The following GABRB3 variants were observed in gnomAD, a reference collection of about 807,000 sequenced individuals.
GABRB3 encodes the protein gamma-aminobutyric acid type A receptor subunit beta3, also known as gamma-aminobutyric acid receptor subunit beta-3.
Under a neutral mutation model 52.1 loss-of-function variants are expected in GABRB3, and 14 were observed. That is an observed-to-expected ratio of 0.27 (90% confidence interval 0.18 to 0.42). The LOEUF (loss-of-function observed/expected upper bound fraction) is 0.42. GABRB3 is among the 10% of genes least tolerant of loss of function. The pLI is 1.00. For missense variants in GABRB3, 307 were observed against 609.1 expected, an observed-to-expected ratio of 0.50 and a Z score of 5.22; for synonymous variants, 260 against 232.3, an observed-to-expected ratio of 1.12 and a Z score of -1.08.
At chr15:26,574,729 G>C (rs1890530490) in intron 6 of GABRB3, among the ~76,000 whole-genome samples, 1 of 150,262 alleles carries the variant, frequency 6.7e-6, no homozygotes, top group African/African-American at 2.4e-5. Flanking sequence ...TGGTTGTCTA[G>C]GGTTGGGAGA....
chr15:26,643,043 A>G (rs1893249235), intron 3 of GABRB3, among the ~76,000 whole-genome samples: 1 of 152,092 alleles, frequency 6.6e-6, no homozygotes, highest in African/African-American at 2.4e-5. Flanking sequence ...AAGAACCCTC[A>G]GCTGACACCT....
intron 3 of GABRB3, among the ~76,000 whole-genome samples, chr15:26,700,014 AAG>A (rs1455358349): frequency 3.9e-5 from 6 of 152,076 alleles, no homozygotes; most frequent in Non-Finnish European, 1.5e-5. Context: ...AGAAGTCAAT[AAG>A]AGAGAAAACA....
intron 4 of GABRB3, among the ~76,000 whole-genome samples, chr15:26,599,899 T>C (rs989671250): frequency 6.6e-5 from 10 of 151,920 alleles, no homozygotes; most frequent in Non-Finnish European, 1.2e-4. Flanking sequence ...CCTCAAGAAA[T>C]GGAGATTATA....
intron 3 of GABRB3, chr15:26,767,087 T>C (rs1259816764): frequency 6.6e-6 from 1 of 152,236 alleles, no homozygotes; most frequent in East Asian, 1.9e-4. Context: ...CATTGATGTA[T>C]GATCATAACT....
At chr15:26,664,948 C>A (rs1304281611) in intron 3 of GABRB3, among the ~76,000 whole-genome samples, 1 of 151,990 alleles carries the variant, frequency 6.6e-6, no homozygotes, top group Non-Finnish European at 1.5e-5. Flanking sequence ...GATCCACCCA[C>A]CTTGGCCTCC....
At chr15:26,652,228 C>A (rs1057231649) in intron 3 of GABRB3, among the ~76,000 whole-genome samples, 5 of 152,244 alleles carry the variant, frequency 3.3e-5, no homozygotes, top group Admixed American at 3.3e-4. Flanking sequence ...AGCCCCATGG[C>A]TTCAAGATGT....
rs1006587231 is a variant in GABRB3, at chr15:26,580,211, C to T, written c.682+108G>A. On this transcript the variant is annotated intron_variant, in intron 6 of 8. Coordinates refer to ENST00000311550, the MANE Select transcript of GABRB3 (RefSeq NM_000814.6). ...GTGATGTGTGAATGATAACAGCACT[C>T]CTTCCGATGATCCTGTGCTGTGAGT... is the stretch of plus-strand genomic sequence containing the variant. 8.4e-6 allele frequency: 11 copies of T among 1,315,506 alleles called. No homozygotes were observed. In the African/African-American group the frequency reaches 1.6e-4, roughly 19 times the overall value. The allele number at this position is 1,315,506 out of a possible 1,614,324, so 81.5% of individuals were successfully genotyped here.
intron 8 of GABRB3, among the ~76,000 whole-genome samples, chr15:26,554,176 G>GAATATATATATA (rs71420007): frequency 3.7e-5 from 1 of 27,334 alleles, no homozygotes; most frequent in African/African-American, 1.1e-4. Context: ...TATATATAAA[G>GAATATATATATA]TATATATATA....
At chr15:26,736,041 G>A (rs1021595038) in intron 3 of GABRB3, among the ~76,000 whole-genome samples, 57 of 151,932 alleles carry the variant, frequency 3.8e-4, no homozygotes, top group African/African-American at 1.4e-3. Flanking sequence ...AAATCACAGA[G>A]ACAGAAAGTA....
chr15:26,700,978 C>G (rs943173597), intron 3 of GABRB3, among the ~76,000 whole-genome samples: 1 of 152,066 alleles, frequency 6.6e-6, no homozygotes, highest in Non-Finnish European at 1.5e-5. Flanking sequence ...TGGCGTGAAC[C>G]TGGGAGGCGG....
At chr15:26,630,589 A>C (rs576186549) in intron 3 of GABRB3, among the ~76,000 whole-genome samples, 1 of 152,370 alleles carries the variant, frequency 6.6e-6, no homozygotes, top group African/African-American at 2.4e-5. Flanking sequence ...CATTCAAAAC[A>C]AAGGGTCTTT....
chr15:26,670,349 C>A (rs1566798789), intron 3 of GABRB3, among the ~76,000 whole-genome samples: 1 of 152,168 alleles, frequency 6.6e-6, no homozygotes, highest in Admixed American at 6.5e-5. Context: ...CTGGACAGAC[C>A]CGGTCCAGGC....
At chr15:26,584,277 C>G (rs1890898781) in intron 4 of GABRB3, among the ~76,000 whole-genome samples, 1 of 152,162 alleles carries the variant, frequency 6.6e-6, no homozygotes, top group South Asian at 2.1e-4. Flanking sequence ...TGTTTCTCTT[C>G]TTGTCTATAG....
intron 4 of GABRB3, among the ~76,000 whole-genome samples, chr15:26,608,125 C>T (rs1016510306): frequency 6.9e-6 from 1 of 145,744 alleles, no homozygotes; most frequent in Admixed American, 6.8e-5. Flanking sequence ...AAAGGCACAT[C>T]CGCCAATGAA....
chr15:26,678,099 G>A (rs1320489553), intron 3 of GABRB3, among the ~76,000 whole-genome samples: 2 of 152,208 alleles, frequency 1.3e-5, no homozygotes, highest in Admixed American at 6.5e-5. Context: ...AAACAAGAGT[G>A]AGAGCAGAAC....
intron 3 of GABRB3, chr15:26,629,187 G>A (rs1001009610): frequency 1.3e-5 from 19 of 1,467,574 alleles, no homozygotes; most frequent in Non-Finnish European, 1.6e-5. Flanking sequence ...GGGAGACGGA[G>A]GGCTTTGCGA....
chr15:26,770,437 C>T (rs564225450), intron 3 of GABRB3, among the ~76,000 whole-genome samples: 113 of 152,324 alleles, frequency 7.4e-4, no homozygotes, highest in Admixed American at 3.2e-3. Context: ...CTTTCTCTTA[C>T]TGGGTTCAGA....
At chr15:26,772,801 C>T in intron 1 of GABRB3, 29 bp from the exon 2 acceptor site, 9 of 1,395,450 alleles carry the variant, frequency 6.4e-6, no homozygotes, top group Non-Finnish European at 8.5e-6. Context: ...GCACAAAGAG[C>T]GGGGTCAGGG....
intron 3 of GABRB3, among the ~76,000 whole-genome samples, chr15:26,657,774 A>G (rs1267205831): frequency 6.6e-6 from 1 of 152,218 alleles, no homozygotes; most frequent in Non-Finnish European, 1.5e-5. Context: ...AATCTGACCT[A>G]ACTGACTCCA....
Sources: allele counts gnomAD v4.1 joint callset (sites outside exome capture counted in the v4.1 genomes callset), GRCh38; gene constraint gnomAD v4.1.1; transcripts MANE v1.5; gene names NCBI Gene and HGNC (gene_info 2026-07-23, HGNC 2026-07-21).